The following CLPX variants were observed in gnomAD, a reference collection of about 807,000 sequenced individuals.
CLPX encodes caseinolytic mitochondrial matrix peptidase chaperone subunit X, also known as ATP-dependent clpX-like chaperone, mitochondrial.
In CLPX, 34 loss-of-function variants were observed where a neutral mutation model predicts 76.4. The observed-to-expected ratio is 0.45, with a 90% CI of 0.34 to 0.59. CLPX has a LOEUF of 0.59. CLPX is among the 20% of genes least tolerant of loss of function. CLPX has a pLI of 0.01. For missense variants in CLPX, 613 were observed against 757.0 expected (o/e 0.81, Z 2.23); for synonymous variants, 248 against 270.9 (o/e 0.92, Z 0.83).
intron 4 of CLPX, among the ~76,000 whole-genome samples, chr15:65,165,683 C>T (rs1165980824): frequency 6.6e-6 from 1 of 151,852 alleles, no homozygotes; most frequent in Non-Finnish European, 1.5e-5. Flanking sequence ...AACCACCGCA[C>T]CCGGCCAAAC....
chr15:65,172,073 G>A (rs201317993), intron 3 of CLPX, among the ~76,000 whole-genome samples: 2 of 152,034 alleles, frequency 1.3e-5, no homozygotes, highest in Non-Finnish European at 2.9e-5. Context: ...TCAGCTCACC[G>A]CAACCTCCGC....
In CLPX at chr15:65,161,579, T is replaced by G. The variant is rs201027128; in HGVS notation, c.715+1025A>C. Among the ~76,000 whole-genome samples the G allele has an allele frequency of 2.0e-5, 3 of 152,352 alleles. No homozygotes were observed. The East Asian group carries it at 5.8e-4, about 29-fold the overall frequency. ...ACATTAAATCACTACATATATTACA[T>G]GACATGTCTTTCAAAATATGCACTA... On this transcript the variant is annotated intron_variant, in intron 6 of 13. Coordinates refer to ENST00000300107, the MANE Select transcript of CLPX (RefSeq NM_006660.5).
At position 65,174,750 on chromosome 15, in the gene CLPX, C is replaced by T. The variant is rs142039820; in HGVS notation, c.358+4184G>A. On this transcript the variant is annotated intron_variant, in intron 3 of 13. Coordinates refer to ENST00000300107, the MANE Select transcript of CLPX (RefSeq NM_006660.5). The stretch of plus-strand genomic sequence containing the variant: ...TCCATGCATACTCAAGTCCTGCAGT[C>T]GGCCCTGTGGAGACCACACATATGA... Among the ~76,000 whole-genome samples, 872 of 152,296 alleles carry T rather than the reference C, an allele frequency of 5.7e-3. 5 individuals are homozygous for T. The highest frequency in any genetic ancestry group is 0.014 in the Middle Eastern group (4 of 294).
chr15:65,172,329 C>A (rs1595944487), intron 3 of CLPX, among the ~76,000 whole-genome samples: 3 of 152,284 alleles, frequency 2.0e-5, no homozygotes, highest in South Asian at 4.1e-4. Flanking sequence ...GAGATAAATT[C>A]TTTCCTTTAA....
Position 65,150,829 on chromosome 15 carries a change from G to C in CLPX, c.1896C>G (p.Asn632Lys), listed in dbSNP as rs770287552. 1 of 1,609,262 alleles carries C rather than the reference G, an allele frequency of 6.2e-7. No homozygotes were observed. Among genetic ancestry groups the C allele is most frequent in the Non-Finnish European group, 8.5e-7 (1 of 1,176,008 alleles). ...EGWPRQADAANS is the reference protein window; with the variant it reads ...EGWPRQADAAKS ...AAGACAGCAATATGACAGTTTAGCT[G>C]TTTGCAGCATCTGCTTGGCGGGGCC... is the stretch of plus-strand genomic sequence containing the variant. Residue 632 changes from asparagine to lysine, a missense_variant, in exon 14 of 14, where the codon AAC becomes AAG. This residue lies in a region of CLPX where 450 missense variants were observed against 638.6 expected (regional missense o/e 0.70). Coordinates refer to ENST00000300107, the MANE Select transcript of CLPX (RefSeq NM_006660.5).
intron 3 of CLPX, among the ~76,000 whole-genome samples, chr15:65,168,383 CA>C (rs71136319): frequency 2.7e-3 from 98 of 35,646 alleles, no homozygotes; most frequent in African/African-American, 0.012. Context: ...GACTCTGTCT[CA>C]AAAAAAAAAA....
intron 3 of CLPX, among the ~76,000 whole-genome samples, chr15:65,176,120 T>C (rs2088088692): frequency 6.6e-6 from 1 of 152,236 alleles, no homozygotes; most frequent in Non-Finnish European, 1.5e-5. Flanking sequence ...CTTGAATTGA[T>C]TACACTAAAG....
Position 65,149,263 on chromosome 15 carries a change from A to G in CLPX, c.*1560T>C, listed in dbSNP as rs1462070064. The G allele has an allele frequency of 6.3e-6, 1 of 159,136 alleles. No individual in the cohort carries two copies. Among genetic ancestry groups the G allele is most frequent in the African/African-American group, 2.4e-5 (1 of 41,516 alleles). 9.9% of individuals were successfully genotyped at this position (159,136 alleles called of 1,614,324 possible). Reference sequence around the variant, plus strand: ...AGAGGCCAAGGTGGCCGATTGCCTGAGCTCAGGAGAGACCAGCCTGGGCAA... The same window carrying G: ...AGAGGCCAAGGTGGCCGATTGCCTGGGCTCAGGAGAGACCAGCCTGGGCAA... On this transcript the variant is annotated 3_prime_UTR_variant, in exon 14 of 14. Transcript: ENST00000300107.
In CLPX at chr15:65,152,441, TG is replaced by T; in HGVS notation, c.1799del (p.Pro600GlnfsTer51). The stretch of plus-strand genomic sequence containing the variant: ...AAAATACACTTTACCGGATGTATCC[TG>T]GTTCCTTTTTTCCTTCTACTACTTC... ...DKEVVEGKKEPGYIRAPTKES... is the reference protein window; with the variant it reads ...DKEVVEGKKEXGYIRAPTKES... On this transcript the variant is annotated frameshift_variant, in exon 13 of 14. Transcript: ENST00000300107. LOFTEE classifies it high-confidence loss of function. 2 of 1,534,360 alleles carry T rather than the reference TG, an allele frequency of 1.3e-6. No individual in the cohort carries two copies. Among genetic ancestry groups the T allele is most frequent in the Non-Finnish European group, 1.8e-6 (2 of 1,135,498 alleles).
At chr15:65,168,506 C>G (rs2087951025) in intron 3 of CLPX, among the ~76,000 whole-genome samples, 1 of 143,614 alleles carries the variant, frequency 7.0e-6, no homozygotes, top group Admixed American at 7.3e-5. Flanking sequence ...GGACAGAAAA[C>G]CAAACACCGC....
At chr15:65,171,604 TCAC>T in intron 3 of CLPX, among the ~76,000 whole-genome samples, 1 of 152,316 alleles carries the variant, frequency 6.6e-6, no homozygotes, top group South Asian at 2.1e-4. Flanking sequence ...AAGTAAATAA[TCAC>T]CACTTCCCAT....
In CLPX at chr15:65,174,395, G is replaced by C. The variant is rs1014445892; in HGVS notation, c.358+4539C>G. Among the ~76,000 whole-genome samples the C allele has an allele frequency of 2.6e-5, 4 of 152,036 alleles. No homozygotes were observed. The South Asian group carries it at 8.3e-4, about 31-fold the overall frequency. On this transcript the variant is annotated intron_variant, in intron 3 of 13. Coordinates refer to ENST00000300107, the MANE Select transcript of CLPX (RefSeq NM_006660.5). ...TTCTCCTGTCTCAGCCTCCCAAGTA[G>C]CTGGGATTACAGGTACGTGCCACCA... is the stretch of plus-strand genomic sequence containing the variant.
chr15:65,151,541 T>C (rs2087721668), intron 13 of CLPX, among the ~76,000 whole-genome samples: 2 of 151,604 alleles, frequency 1.3e-5, no homozygotes, highest in African/African-American at 2.4e-5. Context: ...AAGTATCATC[T>C]GTTATTTCAA....
At chr15:65,175,605 G>GAATATTCACAGA (rs993090937) in intron 3 of CLPX, among the ~76,000 whole-genome samples, 2 of 152,126 alleles carry the variant, frequency 1.3e-5, no homozygotes, top group Non-Finnish European at 2.9e-5. Flanking sequence ...TCACGTTTTG[G>GAATATTCACAGA]AATATTCACA....
chr15:65,181,150 G>T (rs897810679), intron 1 of CLPX, among the ~76,000 whole-genome samples: 1 of 150,254 alleles, frequency 6.7e-6, no homozygotes, highest in African/African-American at 2.5e-5. Context: ...AGTGAGCCAA[G>T]ATCATGCCAC....
intron 3 of CLPX, among the ~76,000 whole-genome samples, chr15:65,176,598 CTT>C (rs747274807): frequency 7.8e-5 from 11 of 140,860 alleles, no homozygotes; most frequent in Middle Eastern, 7.4e-3. Flanking sequence ...TTTTTTCTTT[CTT>C]TTTTTTTTTT....
intron 4 of CLPX, among the ~76,000 whole-genome samples, chr15:65,165,574 A>G (rs1212058718): frequency 6.6e-6 from 1 of 151,080 alleles, no homozygotes; most frequent in Non-Finnish European, 1.5e-5. Flanking sequence ...TTTAGTAGAG[A>G]CGGGGTTTCA....
chr15:65,184,961 C>G (rs1320575467), intron 1 of CLPX, 114 bp downstream of exon 1: 1 of 873,354 alleles, frequency 1.1e-6, no homozygotes, highest in Middle Eastern at 2.2e-4. Flanking sequence ...CCGCGCATTC[C>G]CTCACACTCC....
chr15:65,152,105 T>C (rs1010711550), intron 13 of CLPX, among the ~76,000 whole-genome samples: 3 of 152,050 alleles, frequency 2.0e-5, no homozygotes, highest in African/African-American at 2.4e-5. Flanking sequence ...AATTTTTGTA[T>C]TTTTAGTAGA....
Sources: allele counts gnomAD v4.1 joint callset (sites outside exome capture counted in the v4.1 genomes callset), GRCh38; gene constraint gnomAD v4.1.1; regional missense constraint gnomAD v4.1.1; transcripts MANE v1.5; gene names NCBI Gene and HGNC (gene_info 2026-07-23, HGNC 2026-07-21).